The following HIVEP3 variants were observed in gnomAD, a reference collection of about 807,000 sequenced individuals.
The protein encoded by HIVEP3 is HIVEP zinc finger 3.
In HIVEP3, 49 loss-of-function variants were observed where a neutral mutation model predicts 152.8. The ratio of observed to expected loss-of-function variants is 0.32; its 90% CI spans 0.26 to 0.41. The LOEUF is 0.41. Among genes scored for constraint, HIVEP3 ranks in the 10% least tolerant of loss-of-function variants. HIVEP3 has a pLI of 1.00. For missense variants in HIVEP3, 2,790 were observed against 3,103.3 expected (o/e 0.90, Z 2.40); for synonymous variants, 1,269 against 1,289.0 (o/e 0.98, Z 0.33).
intron 5 of HIVEP3, among the ~76,000 whole-genome samples, chr1:41,528,025 CA>C (rs1259096193): frequency 8.2e-6 from 1 of 122,580 alleles, no homozygotes; most frequent in East Asian, 2.5e-4. Context: ...CCCTCACACT[CA>C]CCTTCACATT....
intron 3 of HIVEP3, among the ~76,000 whole-genome samples, chr1:41,627,279 C>G (rs1254755096): frequency 6.6e-6 from 1 of 152,200 alleles, no homozygotes; most frequent in African/African-American, 2.4e-5. Flanking sequence ...TCACTACCAG[C>G]CTCATTTTGC....
intron 1 of HIVEP3, among the ~76,000 whole-genome samples, chr1:41,855,469 A>AT (rs1403712727): frequency 1.3e-5 from 2 of 152,150 alleles, no homozygotes; most frequent in Non-Finnish European, 2.9e-5. Context: ...AAGGGCTAAT[A>AT]TCCAGAATCT....
chr1:41,780,709 G>C (rs375025080), intron 1 of HIVEP3, among the ~76,000 whole-genome samples: 5 of 152,286 alleles, frequency 3.3e-5, no homozygotes, highest in East Asian at 1.9e-4. Context: ...AGCTGCTTCT[G>C]TCTGGGGCTC....
chr1:41,943,197 C>T (rs1645056757), intron 1 of HIVEP3, among the ~76,000 whole-genome samples: 1 of 152,126 alleles, frequency 6.6e-6, no homozygotes, highest in South Asian at 2.1e-4. Context: ...TGAGCCACCA[C>T]GCCCAGCCAC....
chr1:41,948,397 C>T (rs1351531443), intron 1 of HIVEP3, among the ~76,000 whole-genome samples: 1 of 152,184 alleles, frequency 6.6e-6, no homozygotes, highest in Non-Finnish European at 1.5e-5. Context: ...TCCGAGGGAA[C>T]ACCTATCAAA....
chr1:41,583,109 G>A lies in HIVEP3; in HGVS notation c.1689C>T (p.Phe563=), dbSNP rs753492947. The A allele has an allele frequency of 1.2e-5, 20 of 1,613,474 alleles. No homozygotes were observed. The highest frequency in any genetic ancestry group is 6.7e-5 in the Admixed American group (4 of 59,972). The change falls in exon 4 of 9, where the codon TTC becomes TTT. Residue 563 remains phenylalanine (F), a synonymous_variant. Coordinates refer to ENST00000372583, the MANE Select transcript of HIVEP3 (RefSeq NM_024503.5). The surrounding 1 kb of genome is among the most constrained non-coding windows in gnomAD (Gnocchi z 6.9). ...PHHPFRGSYS[F]DDHITDSEAL... is the part of the protein sequence containing the mutation. ...CTTCGGAGTCGGTGATATGGTCATCGAAGGAGTAGCTACCTCGGAAGGGGT... is the reference window on the plus strand; with the variant it reads ...CTTCGGAGTCGGTGATATGGTCATCAAAGGAGTAGCTACCTCGGAAGGGGT...
chr1:41,829,500 C>T (rs1051951529), intron 1 of HIVEP3, among the ~76,000 whole-genome samples: 1 of 152,060 alleles, frequency 6.6e-6, no homozygotes, highest in Non-Finnish European at 1.5e-5. Context: ...AACCTCTGTG[C>T]ATGGAAGTCA....
intron 1 of HIVEP3, among the ~76,000 whole-genome samples, chr1:41,832,545 T>C (rs531727471): frequency 1.4e-4 from 22 of 152,084 alleles, no homozygotes; most frequent in African/African-American, 5.3e-4. Flanking sequence ...AAACAAAAAT[T>C]ACTGGGTGTG....
At chr1:41,945,932 T>C (rs1645072515) in intron 1 of HIVEP3, among the ~76,000 whole-genome samples, 1 of 152,122 alleles carries the variant, frequency 6.6e-6, no homozygotes, top group East Asian at 1.9e-4. Context: ...AAAGTCTGCC[T>C]TAGGCCCAGA....
intron 5 of HIVEP3, among the ~76,000 whole-genome samples, chr1:41,526,557 CCT>C: frequency 8.8e-6 from 1 of 113,626 alleles, no homozygotes; most frequent in Non-Finnish European, 1.7e-5. Context: ...TCACCCTCAC[CCT>C]CACACACCCT....
At chr1:41,587,393 T>C (rs1311348809) in intron 3 of HIVEP3, among the ~76,000 whole-genome samples, 3 of 152,160 alleles carry the variant, frequency 2.0e-5, no homozygotes, top group Admixed American at 6.5e-5. Context: ...TTTCATTAGA[T>C]TACATCTCAG....
rs945259039 is a variant in HIVEP3, at chr1:41,584,892, G to A, written c.-95C>T. On this transcript the variant is annotated 5_prime_UTR_variant, in exon 4 of 9. Transcript: ENST00000372583. This position sits in a 1 kb window ranked among gnomAD's most constrained non-coding sequence, Gnocchi z 5.2. ...TGTCCCAAGGAGGTGTCCAGCTTTG[G>A]CCACATTGGTCAAGAGCTGTGGGAG... 6 of 1,223,796 alleles carry A rather than the reference G, an allele frequency of 4.9e-6. No individual in the cohort carries two copies. Among genetic ancestry groups the A allele is most frequent in the Non-Finnish European group, 6.5e-6 (6 of 921,212 alleles). The allele number at this position is 1,223,796 out of a possible 1,614,324, so 75.8% of individuals were successfully genotyped here. A position where few individuals can be genotyped will look rare whatever the true frequency, so the allele number is the denominator to read the frequency against.
At chr1:41,840,627 G>A (rs182699169) in intron 1 of HIVEP3, among the ~76,000 whole-genome samples, 1 of 152,252 alleles carries the variant, frequency 6.6e-6, no homozygotes, top group East Asian at 1.9e-4. Context: ...CCCATCACGA[G>A]ACCCTACATT....
chr1:41,811,388 C>G (rs774089416), intron 1 of HIVEP3, among the ~76,000 whole-genome samples: 2 of 151,560 alleles, frequency 1.3e-5, no homozygotes, highest in African/African-American at 4.9e-5. Context: ...GGAAAACAGT[C>G]TGGTGTTAAC....
intron 1 of HIVEP3, among the ~76,000 whole-genome samples, chr1:41,951,413 C>T (rs1645106362): frequency 6.6e-6 from 1 of 152,064 alleles, no homozygotes; most frequent in Non-Finnish European, 1.5e-5. Flanking sequence ...GGGTGGCAGA[C>T]AATGACTGAG....
intron 3 of HIVEP3, among the ~76,000 whole-genome samples, chr1:41,616,791 A>G (rs927433069): frequency 5.3e-5 from 8 of 152,076 alleles, no homozygotes; most frequent in African/African-American, 1.9e-4. Flanking sequence ...TCCTATGTAC[A>G]TTCCTCAGCA....
rs143708731 is a variant in HIVEP3 at position 41,512,819 on chromosome 1, C to T, written c.6402G>A (p.Pro2134=). Residue 2134 remains proline (P), a synonymous_variant, in exon 8 of 9, where the codon CCG becomes CCA. Coordinates refer to ENST00000372583, the MANE Select transcript of HIVEP3 (RefSeq NM_024503.5). The part of the protein sequence containing the change: ...LSRSPETCAS[P]WQKAESRSPS... ...GCCACCAGGGGCAGGAACTCACCCA[C>T]GGGGAGGCGCAGGTCTCTGGGCTTC... 11 of 1,490,980 alleles carry T rather than the reference C, an allele frequency of 7.4e-6. No homozygotes were observed. The East Asian group carries it at 1.2e-4, about 17-fold the overall frequency. 92.4% of individuals were successfully genotyped at this position (1,490,980 alleles called of 1,614,324 possible). A position where few individuals can be genotyped will look rare whatever the true frequency, so the allele number is the denominator to read the frequency against.
intron 1 of HIVEP3, among the ~76,000 whole-genome samples, chr1:41,869,804 A>G (rs1288126294): frequency 6.6e-6 from 1 of 152,188 alleles, no homozygotes; most frequent in African/African-American, 2.4e-5. Flanking sequence ...TTTAATATCA[A>G]TTATAACCTC....
At chr1:41,838,861 G>A (rs573942405) in intron 1 of HIVEP3, among the ~76,000 whole-genome samples, 1 of 152,264 alleles carries the variant, frequency 6.6e-6, no homozygotes, top group South Asian at 2.1e-4. Flanking sequence ...GTCAGTCTGC[G>A]AAACAACAAT....
Sources: allele counts gnomAD v4.1 joint callset (sites outside exome capture counted in the v4.1 genomes callset), GRCh38; gene constraint gnomAD v4.1.1; non-coding constraint Gnocchi (gnomAD v3.1); transcripts MANE v1.5; gene names NCBI Gene and HGNC (gene_info 2026-07-23, HGNC 2026-07-21).